The following GRID2 variants were observed in gnomAD, a reference collection of about 807,000 sequenced individuals.
The protein encoded by GRID2 is glutamate receptor ionotropic, delta-2.
Under a neutral mutation model 114.8 loss-of-function variants are expected in GRID2, and 33 were observed. That is an observed-to-expected ratio of 0.29 (90% CI 0.22 to 0.38). The LOEUF (loss-of-function observed/expected upper bound fraction) is 0.38, where lower values mean the gene tolerates loss of function less well. Ranked by LOEUF, GRID2 falls within the 10% of genes least tolerant of loss-of-function variation. The pLI is 1.00. For synonymous variants in GRID2, 505 were observed against 449.9 expected (o/e 1.12, Z -1.55); for missense variants, 1,184 against 1,257.7 (o/e 0.94, Z 0.89).
chr4:92,419,225 A>T (rs34035117), intron 1 of GRID2, among the ~76,000 whole-genome samples: 1 of 152,050 alleles, frequency 6.6e-6, no homozygotes, highest in Admixed American at 6.6e-5. Flanking sequence ...TCTTCCATTT[A>T]TCTTTCTCCT....
intron 4 of GRID2, among the ~76,000 whole-genome samples, chr4:93,196,736 G>A (rs1388642132): frequency 2.6e-5 from 4 of 152,086 alleles, no homozygotes; most frequent in Non-Finnish European, 5.9e-5. Flanking sequence ...TGCTTTATTG[G>A]CACAGTATCT....
intron 1 of GRID2, among the ~76,000 whole-genome samples, chr4:92,336,951 G>GTTTTTTTTTTTTTTTTTTTT (rs1474706431): frequency 6.0e-5 from 1 of 16,552 alleles, no homozygotes. Flanking sequence ...GTCTTTCGTT[G>GTTTTTTTTTTTTTTTTTTTT]TTGTTTTTTT....
At chr4:92,813,335 A>G (rs1449456171) in intron 2 of GRID2, among the ~76,000 whole-genome samples, 1 of 152,050 alleles carries the variant, frequency 6.6e-6, no homozygotes, top group African/African-American at 2.4e-5. Context: ...CCTTGTTGCA[A>G]ACAACCAACT....
At chr4:93,297,062 G>A (rs569389665) in intron 8 of GRID2, among the ~76,000 whole-genome samples, 1 of 152,042 alleles carries the variant, frequency 6.6e-6, no homozygotes, top group Non-Finnish European at 1.5e-5. Context: ...TTAAGCCCTG[G>A]TCATATCTAT....
At chr4:92,572,622 A>T (rs997703460) in intron 1 of GRID2, among the ~76,000 whole-genome samples, 2 of 152,092 alleles carry the variant, frequency 1.3e-5, no homozygotes, top group Non-Finnish European at 2.9e-5. Flanking sequence ...GCATATGTTG[A>T]ATCAGCCTTG....
rs764551559 is a variant in GRID2, at chr4:92,304,767, C to G, written c.88+23C>G. Reference sequence around the variant, plus strand: ...TCGGTAAGAAAGTGTTGGTGCAGCTCGTGGTTACTTTTACCGTTTCAGTTC... The same window carrying G: ...TCGGTAAGAAAGTGTTGGTGCAGCTGGTGGTTACTTTTACCGTTTCAGTTC... On this transcript the variant is annotated intron_variant, in intron 1 of 15. Transcript: ENST00000282020. The G allele has an allele frequency of 2.0e-6, 3 of 1,528,232 alleles. No individual in the cohort carries two copies. In the East Asian group the frequency reaches 6.7e-5, roughly 34 times the overall value. The allele number at this position is 1,528,232 out of a possible 1,614,324, so 94.7% of individuals were successfully genotyped here.
At chr4:93,595,905 C>T (rs1381660860) in intron 13 of GRID2, among the ~76,000 whole-genome samples, 1 of 152,208 alleles carries the variant, frequency 6.6e-6, no homozygotes, top group Non-Finnish European at 1.5e-5. Context: ...GTGGCAGGCA[C>T]TGTGCTAGAT....
intron 2 of GRID2, among the ~76,000 whole-genome samples, chr4:92,818,614 A>T (rs1410284101): frequency 6.6e-6 from 1 of 152,134 alleles, no homozygotes; most frequent in Non-Finnish European, 1.5e-5. Context: ...CAAGTGGCAA[A>T]TATATGAGGA....
intron 2 of GRID2, among the ~76,000 whole-genome samples, chr4:92,638,364 A>G (rs1731177110): frequency 6.6e-6 from 1 of 150,868 alleles, no homozygotes; most frequent in African/African-American, 2.4e-5. Flanking sequence ...TTACTGTACA[A>G]TCAGCACCTC....
intron 4 of GRID2, among the ~76,000 whole-genome samples, chr4:93,178,825 G>A (rs1739618457): frequency 6.6e-6 from 1 of 151,994 alleles, no homozygotes; most frequent in Admixed American, 6.6e-5. Flanking sequence ...TACCTACCTA[G>A]GTTCCATTAT....
chr4:93,377,452 G>C (rs1763479485), intron 8 of GRID2, among the ~76,000 whole-genome samples: 1 of 152,060 alleles, frequency 6.6e-6, no homozygotes, highest in East Asian at 1.9e-4. Flanking sequence ...AGCAGGCTCT[G>C]GTTGAAGGAC....
At chr4:93,542,133 T>C (rs1732711169) in intron 13 of GRID2, among the ~76,000 whole-genome samples, 1 of 152,186 alleles carries the variant, frequency 6.6e-6, no homozygotes, top group South Asian at 2.1e-4. Context: ...TCAGATTGTC[T>C]GTTTCCTCTC....
chr4:92,464,352 C>T (rs1363856800), intron 1 of GRID2, among the ~76,000 whole-genome samples: 2 of 152,044 alleles, frequency 1.3e-5, no homozygotes, highest in Non-Finnish European at 2.9e-5. Flanking sequence ...AAAGACTTCA[C>T]ACCATCTCAG....
chr4:92,373,368 T>C (rs899302357), intron 1 of GRID2, among the ~76,000 whole-genome samples: 1 of 152,198 alleles, frequency 6.6e-6, no homozygotes, highest in Non-Finnish European at 1.5e-5. Flanking sequence ...TGGCTTTGTC[T>C]GATGATGGTG....
intron 2 of GRID2, among the ~76,000 whole-genome samples, chr4:92,787,133 T>A (rs894436065): frequency 2.0e-5 from 3 of 151,914 alleles, no homozygotes; most frequent in African/African-American, 7.2e-5. Flanking sequence ...TGTAGTCCAT[T>A]TATTTATTTA....
chr4:92,757,991 T>C (rs1014730702), intron 2 of GRID2, among the ~76,000 whole-genome samples: 4 of 150,740 alleles, frequency 2.7e-5, no homozygotes, highest in African/African-American at 9.8e-5. Context: ...TGGGGAGGAG[T>C]CAAATAGAAT....
At chr4:92,555,642 T>C (rs567530106) in intron 1 of GRID2, among the ~76,000 whole-genome samples, 2 of 152,320 alleles carry the variant, frequency 1.3e-5, no homozygotes, top group South Asian at 2.1e-4. Flanking sequence ...CGAGGCTTTT[T>C]AACTTCTCGT....
intron 2 of GRID2, chr4:92,702,303 T>TA (rs1164974483): frequency 6.6e-6 from 1 of 152,154 alleles, no homozygotes; most frequent in Admixed American, 6.5e-5. Context: ...GCATAAAATG[T>TA]AAAACTTTAT....
At chr4:92,424,392 C>T (rs780458368) in intron 1 of GRID2, among the ~76,000 whole-genome samples, 21 of 152,040 alleles carry the variant, frequency 1.4e-4, no homozygotes, top group African/African-American at 3.6e-4. Context: ...TCCCTGTGAT[C>T]GTAGTTGATA....
Sources: allele counts gnomAD v4.1 joint callset (sites outside exome capture counted in the v4.1 genomes callset), GRCh38; gene constraint gnomAD v4.1.1; transcripts MANE v1.5; gene names NCBI Gene and HGNC (gene_info 2026-07-23, HGNC 2026-07-21).